DSCAML1: variants seen among roughly 807,000 people sequenced by gnomAD.
DSCAML1 encodes the protein DS cell adhesion molecule like 1, also known as cell adhesion molecule DSCAML1.
In DSCAML1, 38 loss-of-function variants were observed where a neutral mutation model predicts 200.5. The ratio of observed to expected loss-of-function variants is 0.19; its 90% CI spans 0.15 to 0.25. The LOEUF (loss-of-function observed/expected upper bound fraction) is 0.25, where lower values mean the gene tolerates loss of function less well. DSCAML1 is among the 10% of genes least tolerant of loss of function. DSCAML1 has a pLI of 1.00. For missense variants in DSCAML1, 2,223 were observed against 2,858.8 expected (o/e 0.78, Z 5.07); for synonymous variants, 1,215 against 1,165.0 (o/e 1.04, Z -0.87).
At chr11:117,716,207 G>A (rs2053949415) in intron 3 of DSCAML1, among the ~76,000 whole-genome samples, 1 of 152,178 alleles carries the variant, frequency 6.6e-6, no homozygotes, top group Admixed American at 6.5e-5. Context: ...TTAACCTGGA[G>A]GCCCTTTTAT....
chr11:117,685,999 A>C (rs11600065), intron 3 of DSCAML1, among the ~76,000 whole-genome samples: 39,906 of 151,996 alleles, frequency 0.26, 6,071 homozygotes, highest in African/African-American at 0.42. Context: ...GAGGGTTCTG[A>C]TGCTGCATCT....
intron 3 of DSCAML1, among the ~76,000 whole-genome samples, chr11:117,710,497 C>G (rs967530490): frequency 6.6e-6 from 1 of 152,146 alleles, no homozygotes; most frequent in African/African-American, 2.4e-5. Context: ...TAGCAACCCA[C>G]ACATGTATAC....
At position 117,439,413 on chromosome 11, in the gene DSCAML1, G is replaced by C; in HGVS notation, c.3997C>G (p.Pro1333Ala). The change falls in exon 23 of 33, where the codon CCA (proline) becomes GCA (alanine). Residue 1333 changes from proline (P) to alanine (A), a missense_variant. Physicochemically the swap from Pro to Ala is conservative, Grantham distance 27. Coordinates refer to ENST00000651296, the MANE Select transcript of DSCAML1 (RefSeq NM_020693.4). ...WTKDSEDSAIPVSMDGHRLIH... is the reference protein window; with the variant it reads ...WTKDSEDSAIAVSMDGHRLIH... ...AGCCGGTGCCCATCCATGGACACTG[G>C]AATGGCCGAGTCTTCACTGCCAGGG... The C allele has an allele frequency of 6.2e-7, 1 of 1,613,078 alleles. No homozygotes were observed. Among genetic ancestry groups the C allele is most frequent in the Non-Finnish European group, 8.5e-7 (1 of 1,179,846 alleles).
chr11:117,531,556 T>A (rs913907866), intron 4 of DSCAML1, among the ~76,000 whole-genome samples: 2 of 152,170 alleles, frequency 1.3e-5, no homozygotes, highest in African/African-American at 4.8e-5. Context: ...CGAGGTGGCC[T>A]ATGACAAAAG....
chr11:117,564,200 G>A (rs1437049057), intron 3 of DSCAML1, among the ~76,000 whole-genome samples: 2 of 152,216 alleles, frequency 1.3e-5, no homozygotes, highest in Non-Finnish European at 2.9e-5. Flanking sequence ...TCACACTCCT[G>A]TTTCATAGAA....
At chr11:117,623,468 G>A (rs574048922) in intron 3 of DSCAML1, among the ~76,000 whole-genome samples, 42 of 152,122 alleles carry the variant, frequency 2.8e-4, no homozygotes, top group South Asian at 1.5e-3. Flanking sequence ...CATCCGCCTC[G>A]GCTGCCCAAA....
At chr11:117,466,707 G>A (rs1349936229) in intron 16 of DSCAML1, among the ~76,000 whole-genome samples, 7 of 152,100 alleles carry the variant, frequency 4.6e-5, no homozygotes, top group African/African-American at 9.7e-5. Context: ...GAGCTTTCAC[G>A]GGGAGCTCAT....
chr11:117,513,657 C>T (rs144199381), intron 8 of DSCAML1, among the ~76,000 whole-genome samples: 6,113 of 149,318 alleles, frequency 0.041, 183 homozygotes, highest in East Asian at 0.13. Flanking sequence ...AGGAGAATTG[C>T]TTGAAACCAG....
intron 1 of DSCAML1, among the ~76,000 whole-genome samples, chr11:117,787,769 C>A (rs1246250533): frequency 6.6e-6 from 1 of 152,218 alleles, no homozygotes; most frequent in Non-Finnish European, 1.5e-5. Flanking sequence ...AGTAGCCACA[C>A]AGCTTTTGCT....
chr11:117,482,335 TG>T (rs1266788700), intron 11 of DSCAML1, among the ~76,000 whole-genome samples, 173 bp from the exon 12 acceptor site: 1 of 152,158 alleles, frequency 6.6e-6, no homozygotes, highest in African/African-American at 2.4e-5. Flanking sequence ...CATCCATGAC[TG>T]GGGCAGCCTC....
intron 8 of DSCAML1, among the ~76,000 whole-genome samples, chr11:117,508,348 G>A (rs781734552): frequency 5.9e-5 from 9 of 152,090 alleles, no homozygotes; most frequent in Non-Finnish European, 8.8e-5. Context: ...CCCCTCCCTG[G>A]GGTAACTCCC....
chr11:117,768,340 A>G (rs953258533), intron 3 of DSCAML1, among the ~76,000 whole-genome samples: 12 of 152,196 alleles, frequency 7.9e-5, no homozygotes, highest in African/African-American at 2.9e-4. Flanking sequence ...TTTGAGATAA[A>G]AACATGATGG....
rs1565745805 is a variant in DSCAML1 at position 117,503,796 on chromosome 11, C to T, written c.2359+49G>A. ...AGGCAGGGAGAGTGCAGAGCCGGGG[C>T]TTGGCTGTGATTTGGGGGTGCTAGG... On this transcript the variant is annotated intron_variant, in intron 11 of 32. Coordinates refer to ENST00000651296, the MANE Select transcript of DSCAML1 (RefSeq NM_020693.4). The surrounding 1 kb of genome is among the most constrained non-coding windows in gnomAD (Gnocchi z 5.2). The T allele has an allele frequency of 6.3e-7, 1 of 1,579,310 alleles. No homozygotes were observed. The highest frequency in any genetic ancestry group is 8.6e-7 in the Non-Finnish European group (1 of 1,159,680).
At chr11:117,599,472 C>T (rs555663844) in intron 3 of DSCAML1, among the ~76,000 whole-genome samples, 40 of 152,268 alleles carry the variant, frequency 2.6e-4, no homozygotes, top group Non-Finnish European at 5.9e-5. Context: ...GTATGAATGC[C>T]TTTCTCCAAA....
chr11:117,673,427 C>T (rs2053150579), intron 3 of DSCAML1, among the ~76,000 whole-genome samples: 1 of 152,164 alleles, frequency 6.6e-6, no homozygotes, highest in African/African-American at 2.4e-5. Flanking sequence ...CATTTCTTCC[C>T]ATCATGCTTG....
chr11:117,687,719 A>G (rs1253703413), intron 3 of DSCAML1, among the ~76,000 whole-genome samples: 2 of 152,160 alleles, frequency 1.3e-5, no homozygotes, highest in Admixed American at 1.3e-4. Flanking sequence ...AAGTGAGGAA[A>G]TCAGAGCTTA....
At chr11:117,543,058 G>A (rs1294154911) in intron 3 of DSCAML1, among the ~76,000 whole-genome samples, 1 of 152,226 alleles carries the variant, frequency 6.6e-6, no homozygotes, top group South Asian at 2.1e-4. Context: ...GGCCACAGTA[G>A]GTGGGTGGGC....
chr11:117,582,238 A>C (rs990609787), intron 3 of DSCAML1, among the ~76,000 whole-genome samples: 8 of 152,230 alleles, frequency 5.3e-5, no homozygotes, highest in African/African-American at 1.9e-4. Context: ...GCCATTTACA[A>C]GTCCAGAGGG....
At position 117,518,357 on chromosome 11, in the gene DSCAML1, T is replaced by C; in HGVS notation, c.1510+109A>G. The C allele has an allele frequency of 6.7e-7, 1 of 1,482,812 alleles. No individual in the cohort carries two copies. The highest frequency in any genetic ancestry group is 9.3e-7 in the Non-Finnish European group (1 of 1,077,526). 91.9% of individuals were successfully genotyped at this position (1,482,812 alleles called of 1,614,324 possible). ...GAGGGGAGAGAGACCTCTACTAAAA[T>C]CAAAATGACGATTAATAATAAGTAC... On this transcript the variant is annotated intron_variant, in intron 7 of 32. Transcript: ENST00000651296. The surrounding 1 kb of genome is among the most constrained non-coding windows in gnomAD (Gnocchi z 6.3).
Sources: allele counts gnomAD v4.1 joint callset (sites outside exome capture counted in the v4.1 genomes callset), GRCh38; gene constraint gnomAD v4.1.1; non-coding constraint Gnocchi (gnomAD v3.1); transcripts MANE v1.5; gene names NCBI Gene and HGNC (gene_info 2026-07-23, HGNC 2026-07-21).